SIAH1: variants seen among roughly 807,000 people sequenced by gnomAD.
SIAH1 encodes the protein siah E3 ubiquitin protein ligase 1.
A neutral mutation model predicts 20.0 loss-of-function variants in SIAH1; 2 were observed. The ratio of observed to expected loss-of-function variants is 0.10; its 90% CI spans 0.04 to 0.31. The LOEUF is 0.31. SIAH1 is among the 10% of genes least tolerant of loss of function. SIAH1 has a pLI of 1.00. For synonymous variants in SIAH1, 118 were observed against 125.3 expected, an observed-to-expected ratio of 0.94 and a Z score of 0.39; for missense variants, 119 against 355.3, an observed-to-expected ratio of 0.33 and a Z score of 5.35.
intron 1 of SIAH1, among the ~76,000 whole-genome samples, chr16:48,367,772 GTAGAATATT>G (rs1960879639): frequency 6.7e-6 from 1 of 150,374 alleles, no homozygotes; most frequent in Non-Finnish European, 1.5e-5. Flanking sequence ...TCTCAACTAG[GTAGAATATT>G]TACACTAGTT....
At chr16:48,383,244 CATAAACTTTGGGG>C (rs1362931605) in intron 1 of SIAH1, among the ~76,000 whole-genome samples, 2 of 152,092 alleles carry the variant, frequency 1.3e-5, no homozygotes, top group African/African-American at 4.8e-5. Context: ...AACTGTTTGG[CATAAACTTTGGGG>C]AACAAATTCT....
rs8190 is a variant in SIAH1 at position 48,360,715 on chromosome 16, C to T, written c.*865G>A. On this transcript the variant is annotated 3_prime_UTR_variant, in exon 2 of 2. Coordinates refer to ENST00000394725, the MANE Select transcript of SIAH1 (RefSeq NM_003031.4). ...AAAATATGTGATTTGTCCAAGATAT[C>T]TGAAAAAGGAAACAAAAGCCTGATT... is the stretch of plus-strand genomic sequence containing the variant. 31,296 of 152,474 alleles carry T rather than the reference C, an allele frequency of 0.21. 3,945 individuals carry two copies. Among genetic ancestry groups the T allele is most frequent in the African/African-American group, 0.35 (14,533 of 41,436 alleles). The allele number at this position is 152,474 out of a possible 1,614,324, so 9.4% of individuals were successfully genotyped here. A position where few individuals can be genotyped will look rare whatever the true frequency, so the allele number is the denominator to read the frequency against.
chr16:48,371,594 C>T (rs943347614), intron 1 of SIAH1, among the ~76,000 whole-genome samples: 20 of 152,182 alleles, frequency 1.3e-4, no homozygotes, highest in Admixed American at 8.5e-4. Context: ...CAGAACCAGG[C>T]AGAGGGCCAA....
At position 48,362,930 on chromosome 16, in the gene SIAH1, C is replaced by T. The variant is rs1256026444; in HGVS notation, c.-2-500G>A. On this transcript the variant is annotated intron_variant, in intron 1 of 1. Transcript: ENST00000394725. This position sits in a 1 kb window ranked among gnomAD's most constrained non-coding sequence, Gnocchi z 4.2. ...GTCTGCATCCGAGGACTTCACCAGC[C>T]ATGGATTGAAAATATTCAGAAAAAT... 1 of 166,110 alleles carries T rather than the reference C, an allele frequency of 6.0e-6. No homozygotes were observed. The highest frequency in any genetic ancestry group is 1.9e-4 in the East Asian group (1 of 5,214). 10.3% of individuals were successfully genotyped at this position (166,110 alleles called of 1,614,324 possible).
intron 1 of SIAH1, among the ~76,000 whole-genome samples, chr16:48,370,115 T>C (rs763256559): frequency 3.9e-5 from 6 of 152,210 alleles, no homozygotes; most frequent in Non-Finnish European, 8.8e-5. Flanking sequence ...CCTTTGCAGA[T>C]AACCTTCTGA....
At chr16:48,383,350 A>G (rs1961347816) in intron 1 of SIAH1, among the ~76,000 whole-genome samples, 1 of 152,202 alleles carries the variant, frequency 6.6e-6, no homozygotes. Context: ...TACACAACCA[A>G]TTTGTGTAAT....
Position 48,361,283 on chromosome 16 carries a change from T to C in SIAH1, c.*297A>G, listed in dbSNP as rs1960580775. Reference sequence around the variant, plus strand: ...AACTTTTTCAACAATACAATCAATCTACAACAAACACAAAACTCAGAATTA... The same window carrying C: ...AACTTTTTCAACAATACAATCAATCCACAACAAACACAAAACTCAGAATTA... On this transcript the variant is annotated 3_prime_UTR_variant, in exon 2 of 2. Transcript: ENST00000394725. The C allele has an allele frequency of 1.2e-5, 4 of 320,012 alleles. No individual in the cohort carries two copies. The South Asian group carries it at 1.4e-4, about 11-fold the overall frequency. The allele number at this position is 320,012 out of a possible 1,614,324, so 19.8% of individuals were successfully genotyped here. A position where few individuals can be genotyped will look rare whatever the true frequency, so the allele number is the denominator to read the frequency against.
chr16:48,378,568 T>C (rs2151053640), intron 1 of SIAH1, among the ~76,000 whole-genome samples: 1 of 152,342 alleles, frequency 6.6e-6, no homozygotes, highest in South Asian at 2.1e-4. Context: ...ATTTGAGCAC[T>C]TTTTCCATAT....
chr16:48,373,094 C>T (rs1446800772), intron 1 of SIAH1, among the ~76,000 whole-genome samples: 1 of 152,200 alleles, frequency 6.6e-6, no homozygotes, highest in East Asian at 1.9e-4. Context: ...TTACTGTAAT[C>T]TCTTCCAAAC....
At chr16:48,376,312 A>G (rs1961108608) in intron 1 of SIAH1, among the ~76,000 whole-genome samples, 1 of 152,194 alleles carries the variant, frequency 6.6e-6, no homozygotes, top group South Asian at 2.1e-4. Context: ...TCTGTTAATG[A>G]ATTGCTAGTA....
chr16:48,376,379 T>C (rs1768496748), intron 1 of SIAH1, among the ~76,000 whole-genome samples: 1 of 152,152 alleles, frequency 6.6e-6, no homozygotes, highest in East Asian at 1.9e-4. Flanking sequence ...TTGCTTTCAC[T>C]TTTTTTCTCA....
intron 1 of SIAH1, among the ~76,000 whole-genome samples, chr16:48,370,678 C>T (rs1262936055): frequency 2.0e-5 from 3 of 151,850 alleles, no homozygotes; most frequent in African/African-American, 7.3e-5. Context: ...CGGTGGCGGG[C>T]GCCTGTAGTC....
intron 1 of SIAH1, among the ~76,000 whole-genome samples, chr16:48,371,785 A>C (rs896160799): frequency 6.6e-6 from 1 of 152,228 alleles, no homozygotes; most frequent in Non-Finnish European, 1.5e-5. Flanking sequence ...CTATTTACCT[A>C]GTTATCTGAA....
Position 48,380,928 on chromosome 16 carries a change from CAAAA to C in SIAH1, c.-3+4272_-3+4275del, listed in dbSNP as rs59376248. On this transcript the variant is annotated intron_variant, in intron 1 of 1. Transcript: ENST00000394725. Reference sequence around the variant, plus strand: ...TGGGCGACAGAGTGAGACTCCGTCTCAAAAAAAAAAAAAAAAAGAACGGCTAAAA... The same window carrying C: ...TGGGCGACAGAGTGAGACTCCGTCTCAAAAAAAAAAAAAGAACGGCTAAAA... 1.8e-3 allele frequency among the ~76,000 whole-genome samples: 79 copies of C among 44,950 alleles called. 3 individuals carry two copies. The highest frequency in any genetic ancestry group is 2.3e-3 in the Non-Finnish European group (63 of 27,052). 29.5% of individuals were successfully genotyped at this position (44,950 alleles called of 152,430 possible).
chr16:48,362,415 G>A lies in SIAH1; in HGVS notation c.14C>T (p.Thr5Ile). The A allele has an allele frequency of 6.2e-7, 1 of 1,614,072 alleles. No individual in the cohort carries two copies. Among genetic ancestry groups the A allele is most frequent in the Non-Finnish European group, 8.5e-7 (1 of 1,179,974 alleles). Residue 5 changes from threonine to isoleucine, a missense_variant, in exon 2 of 2, where the codon ACT becomes ATT. Thr to Ile is a moderately conservative substitution (Grantham distance 89). This residue lies in a region of SIAH1 where 35 missense variants were observed against 47.5 expected (regional missense o/e 0.74). Coordinates refer to ENST00000394725, the MANE Select transcript of SIAH1 (RefSeq NM_003031.4). The surrounding 1 kb of genome is among the most constrained non-coding windows in gnomAD (Gnocchi z 4.2). MSRQTATALPTGTSK... is the reference protein window; with the variant it reads MSRQIATALPTGTSK... ...GGTACCGGTAGGTAATGCTGTAGCAGTCTGACGGCTCATTTCTGAAATAAA... is the reference window on the plus strand; with the variant it reads ...GGTACCGGTAGGTAATGCTGTAGCAATCTGACGGCTCATTTCTGAAATAAA...
chr16:48,370,718 A>G (rs566923844), intron 1 of SIAH1, among the ~76,000 whole-genome samples: 2 of 151,530 alleles, frequency 1.3e-5, no homozygotes, highest in African/African-American at 4.8e-5. Flanking sequence ...AGGCAGGAGA[A>G]TGGCGTGAAT....
At chr16:48,372,365 C>T (rs1047814388) in intron 1 of SIAH1, among the ~76,000 whole-genome samples, 1 of 152,130 alleles carries the variant, frequency 6.6e-6, no homozygotes, top group African/African-American at 2.4e-5. Context: ...AAGGATGTAA[C>T]AGAAGAATTA....
chr16:48,372,617 A>T (rs1273587877), intron 1 of SIAH1, among the ~76,000 whole-genome samples: 1 of 152,230 alleles, frequency 6.6e-6, no homozygotes, highest in Non-Finnish European at 1.5e-5. Flanking sequence ...GGTCGATCTA[A>T]TAACATAAAT....
chr16:48,380,045 G>A (rs780819172), intron 1 of SIAH1, among the ~76,000 whole-genome samples: 2 of 152,186 alleles, frequency 1.3e-5, no homozygotes, highest in Non-Finnish European at 2.9e-5. Context: ...AAGGTAGAAG[G>A]AAATGAATGT....
Sources: allele counts gnomAD v4.1 joint callset (sites outside exome capture counted in the v4.1 genomes callset), GRCh38; gene constraint gnomAD v4.1.1; regional missense constraint gnomAD v4.1.1; non-coding constraint Gnocchi (gnomAD v3.1); transcripts MANE v1.5; gene names NCBI Gene and HGNC (gene_info 2026-07-23, HGNC 2026-07-21).